The following CATSPERE variants were observed in gnomAD, a reference collection of about 807,000 sequenced individuals.
CATSPERE encodes the protein catsper channel auxiliary subunit epsilon.
In CATSPERE, 93 loss-of-function variants were observed where a neutral mutation model predicts 114.1. The observed-to-expected ratio is 0.81, with a 90% CI of 0.69 to 0.97. The LOEUF (loss-of-function observed/expected upper bound fraction) is 0.97, where lower values mean the gene tolerates loss of function less well. CATSPERE is among the 50% of genes least tolerant of loss of function. The probability of loss-of-function intolerance (pLI) is 0.00; values close to 1 mark genes in which losing one functional copy is unlikely to be tolerated. For missense variants in CATSPERE, 1,058 were observed against 1,131.6 expected, an observed-to-expected ratio of 0.93 and a Z score of 0.93; for synonymous variants, 341 against 384.1, an observed-to-expected ratio of 0.89 and a Z score of 1.31.
chr1:244,485,774 G>A (rs1301706695), intron 5 of CATSPERE, among the ~76,000 whole-genome samples: 4 of 148,622 alleles, frequency 2.7e-5, no homozygotes, highest in Admixed American at 6.8e-5. Context: ...CGTAGCTCAC[G>A]TAACCTCAAA....
rs565368642 is a variant in CATSPERE, at chr1:244,579,261, G to T, written c.1951-2535G>T. ...TGTGTACTGTAGTTAATTTCATGCA[G>T]TTATGGTTTATTACTGCACCTTTAC... On this transcript the variant is annotated intron_variant, in intron 11 of 21. Transcript: ENST00000366534. Among the ~76,000 whole-genome samples, 42 of 152,086 alleles carry T rather than the reference G, an allele frequency of 2.8e-4. 1 individual carries two copies. The highest frequency in any genetic ancestry group is 3.4e-3 in the Middle Eastern group (1 of 294).
intron 13 of CATSPERE, among the ~76,000 whole-genome samples, chr1:244,586,150 A>G (rs575588904): frequency 2.5e-4 from 38 of 152,254 alleles, no homozygotes; most frequent in Non-Finnish European, 5.0e-4. Flanking sequence ...CAGTTCTGGG[A>G]ATATGTGTCA....
chr1:244,456,763 ACAGT>A (rs1666198593), upstream of CATSPERE, among the ~76,000 whole-genome samples: 1 of 152,154 alleles, frequency 6.6e-6, no homozygotes, highest in Admixed American at 6.5e-5. Context: ...TATGCTGAAA[ACAGT>A]CAGGCCTTAT....
At position 244,569,900 on chromosome 1, in the gene CATSPERE, C is replaced by A. The variant is rs145995303; in HGVS notation, c.1508-2430C>A. 4.7e-3 allele frequency among the ~76,000 whole-genome samples: 713 copies of A among 152,276 alleles called. 11 individuals are homozygous for A. The highest frequency in any genetic ancestry group is 4.0e-3 in the Non-Finnish European group (269 of 68,010). On this transcript the variant is annotated intron_variant, in intron 10 of 21. Transcript: ENST00000366534. ...TTTTGATTACTATATCCTTAATCAC[C>A]TAACACACTAAATAATTTATTTTCA...
At position 244,515,165 on chromosome 1, in the gene CATSPERE, A is replaced by G. The variant is rs193234655; in HGVS notation, c.430-3427A>G. 4.4e-3 allele frequency: 709 copies of G among 161,764 alleles called. 2 individuals carry two copies. Among genetic ancestry groups the G allele is most frequent in the Non-Finnish European group, 7.4e-3 (565 of 76,776 alleles). 10.0% of individuals were successfully genotyped at this position (161,764 alleles called of 1,614,324 possible). A position where few individuals can be genotyped will look rare whatever the true frequency, so the allele number is the denominator to read the frequency against. Reference sequence around the variant, plus strand: ...ATCTCTTCTCTGACCTTATCCACTTACTAGTCTCCCCCTTCTACTATACAC... The same window carrying G: ...ATCTCTTCTCTGACCTTATCCACTTGCTAGTCTCCCCCTTCTACTATACAC... On this transcript the variant is annotated intron_variant, in intron 7 of 21. Transcript: ENST00000366534.
chr1:244,578,732 C>T (rs1348582856), intron 11 of CATSPERE, among the ~76,000 whole-genome samples: 1 of 149,196 alleles, frequency 6.7e-6, no homozygotes, highest in Non-Finnish European at 1.5e-5. Flanking sequence ...TATATATACA[C>T]ACACATATAT....
intron 20 of CATSPERE, among the ~76,000 whole-genome samples, chr1:244,630,627 C>T (rs1673817302): frequency 6.6e-6 from 1 of 152,076 alleles, no homozygotes; most frequent in South Asian, 2.1e-4. Context: ...TTGCAGGTTC[C>T]CTGGAAAGGA....
intron 14 of CATSPERE, among the ~76,000 whole-genome samples, chr1:244,591,067 G>A (rs1055032966): frequency 1.3e-5 from 2 of 152,156 alleles, no homozygotes; most frequent in Non-Finnish European, 2.9e-5. Context: ...CAATATATAT[G>A]GGTCCCAATT....
chr1:244,615,280 T>C (rs937052516), intron 19 of CATSPERE, among the ~76,000 whole-genome samples: 3 of 149,924 alleles, frequency 2.0e-5, no homozygotes, highest in Admixed American at 2.0e-4. Context: ...CAAACATTGC[T>C]CTCAGGAACA....
At chr1:244,520,594 C>T (rs1405482604) in intron 8 of CATSPERE, among the ~76,000 whole-genome samples, 1 of 152,140 alleles carries the variant, frequency 6.6e-6, no homozygotes, top group Non-Finnish European at 1.5e-5. Context: ...GGCCTTGGGT[C>T]CAATACACAC....
intron 11 of CATSPERE, among the ~76,000 whole-genome samples, chr1:244,579,598 T>G (rs182143370): frequency 2.2e-3 from 333 of 152,332 alleles, no homozygotes; most frequent in Middle Eastern, 0.01. Flanking sequence ...AAACATGTGT[T>G]GTTCAAGGGT....
intron 17 of CATSPERE, among the ~76,000 whole-genome samples, chr1:244,594,738 G>A (rs1477296947): frequency 6.6e-6 from 1 of 152,170 alleles, no homozygotes; most frequent in South Asian, 2.1e-4. Flanking sequence ...TAGAAGTAAT[G>A]AATCAGACGC....
intron 11 of CATSPERE, among the ~76,000 whole-genome samples, chr1:244,580,505 A>G (rs902121018): frequency 2.6e-5 from 4 of 152,120 alleles, no homozygotes; most frequent in African/African-American, 9.7e-5. Context: ...TTTTTTAAAA[A>G]TGAATATAAC....
intron 5 of CATSPERE, among the ~76,000 whole-genome samples, chr1:244,483,244 G>T (rs1233622901): frequency 6.6e-6 from 1 of 152,204 alleles, no homozygotes. Context: ...ATAATAATAT[G>T]CACTTTAAGA....
intron 2 of CATSPERE, among the ~76,000 whole-genome samples, chr1:244,476,544 C>CT (rs1275946052): frequency 6.6e-6 from 1 of 152,094 alleles, no homozygotes; most frequent in African/African-American, 2.4e-5. Context: ...TTCTTATACA[C>CT]TATCCTATAA....
chr1:244,552,210 C>T, intron 8 of CATSPERE, 112 bp from the exon 9 acceptor site: 1 of 1,325,256 alleles, frequency 7.5e-7, no homozygotes, highest in South Asian at 1.7e-5. Context: ...TTGTCTTATC[C>T]AGATTTGTAT....
At chr1:244,502,295 C>T (rs901040675) in intron 7 of CATSPERE, among the ~76,000 whole-genome samples, 7 of 152,116 alleles carry the variant, frequency 4.6e-5, no homozygotes, top group Non-Finnish European at 1.0e-4. Flanking sequence ...TTTAAGCTTC[C>T]TGTATCCTTA....
intron 20 of CATSPERE, among the ~76,000 whole-genome samples, chr1:244,631,831 T>A (rs922112748): frequency 6.6e-5 from 10 of 152,194 alleles, no homozygotes; most frequent in Non-Finnish European, 7.3e-5. Context: ...TATCAGGAAC[T>A]CTCATTCATT....
intron 8 of CATSPERE, among the ~76,000 whole-genome samples, chr1:244,520,250 C>G (rs192842920): frequency 3.3e-5 from 5 of 151,958 alleles, no homozygotes; most frequent in Admixed American, 3.3e-4. Context: ...TTATAGTGTT[C>G]GCTCTTACAT....
Sources: allele counts gnomAD v4.1 joint callset (sites outside exome capture counted in the v4.1 genomes callset), GRCh38; gene constraint gnomAD v4.1.1; transcripts MANE v1.5; gene names NCBI Gene and HGNC (gene_info 2026-07-23, HGNC 2026-07-21).